Variants in GRIK5 observed in about 807,000 individuals in gnomAD.
GRIK5 encodes glutamate receptor ionotropic, kainate 5.
Under a neutral mutation model 97.4 loss-of-function variants are expected in GRIK5, and 43 were observed. That is an observed-to-expected ratio of 0.44 (90% confidence interval 0.35 to 0.57). The LOEUF (loss-of-function observed/expected upper bound fraction) is 0.57. GRIK5 is among the 20% of genes least tolerant of loss of function. The probability of loss-of-function intolerance (pLI) is 0.01; values close to 1 mark genes in which losing one functional copy is unlikely to be tolerated. For missense variants in GRIK5, 1,015 were observed against 1,382.0 expected (o/e 0.73, Z 4.21); for synonymous variants, 580 against 583.5 (o/e 0.99, Z 0.09).
chr19:42,007,104 T>C (rs1258164941), intron 15 of GRIK5, among the ~76,000 whole-genome samples: 11 of 152,138 alleles, frequency 7.2e-5, no homozygotes, highest in Middle Eastern at 3.4e-3. Flanking sequence ...TTTCTTTTTT[T>C]TTTTTTTTTG....
chr19:42,022,589 T>C lies in GRIK5; in HGVS notation c.1474-235A>G. 2.0e-6 allele frequency: 2 copies of C among 984,818 alleles called. No individual in the cohort carries two copies. The highest frequency in any genetic ancestry group is 2.4e-6 in the Non-Finnish European group (2 of 829,722). 61.0% of individuals were successfully genotyped at this position (984,818 alleles called of 1,614,324 possible). On this transcript the variant is annotated intron_variant, in intron 12 of 19. Coordinates refer to ENST00000593562, the MANE Select transcript of GRIK5 (RefSeq NM_002088.5). The surrounding 1 kb of genome is among the most constrained non-coding windows in gnomAD (Gnocchi z 4.2). ...CACGTCTCCAGACACACTGACTCCG[T>C]CCCCTAGGCCTCAACTGTGTCCCAG...
intron 15 of GRIK5, among the ~76,000 whole-genome samples, chr19:42,014,875 T>C (rs2075606533): frequency 6.6e-6 from 1 of 152,200 alleles, no homozygotes; most frequent in Admixed American, 6.5e-5. Flanking sequence ...GGCAACAAAG[T>C]GAGACCCTAT....
chr19:42,062,024 T>C lies in GRIK5; in HGVS notation c.508+464A>G, dbSNP rs2076266111. Among the ~76,000 whole-genome samples, 1 of 152,232 alleles carries C rather than the reference T, an allele frequency of 6.6e-6. No individual in the cohort carries two copies. The highest frequency in any genetic ancestry group is 2.4e-5 in the African/African-American group (1 of 41,458). On this transcript the variant is annotated intron_variant, in intron 5 of 19. Coordinates refer to ENST00000593562, the MANE Select transcript of GRIK5 (RefSeq NM_002088.5). The surrounding 1 kb of genome is among the most constrained non-coding windows in gnomAD (Gnocchi z 5.3). ...CCCGTCACACTTTCTACTTAGAACC[T>C]GTTCCCTCTTTCTTCCCACACCCTT...
Position 42,022,148 on chromosome 19 carries a change from C to T in GRIK5, c.1588-92G>A, listed in dbSNP as rs994165624. On this transcript the variant is annotated intron_variant, in intron 13 of 19. Transcript: ENST00000593562. The surrounding 1 kb of genome is among the most constrained non-coding windows in gnomAD (Gnocchi z 4.2). ...ACCAGGGACCTGGGAGCCTGACCGG[C>T]CCATCTGAGGTCCTGGGGCTGTCTG... The T allele has an allele frequency of 1.4e-6, 2 of 1,394,464 alleles. No homozygotes were observed. The highest frequency in any genetic ancestry group is 2.0e-6 in the Non-Finnish European group (2 of 991,120). The allele number at this position is 1,394,464 out of a possible 1,614,324, so 86.4% of individuals were successfully genotyped here.
In GRIK5 at chr19:42,062,905, C is replaced by T. The variant is rs1296708217; in HGVS notation, c.245-50G>A. On this transcript the variant is annotated intron_variant, in intron 3 of 19. Coordinates refer to ENST00000593562, the MANE Select transcript of GRIK5 (RefSeq NM_002088.5). This position sits in a 1 kb window ranked among gnomAD's most constrained non-coding sequence, Gnocchi z 5.3. The stretch of plus-strand genomic sequence containing the variant: ...CAGAGTCAGGGACCCCCTGCCTCCT[C>T]TCCTTCCCCATCCCTCAGGGAGCCG... 1 of 1,383,318 alleles carries T rather than the reference C, an allele frequency of 7.2e-7. No individual in the cohort carries two copies. Among genetic ancestry groups the T allele is most frequent in the Non-Finnish European group, 1.0e-6 (1 of 971,956 alleles). 85.7% of individuals were successfully genotyped at this position (1,383,318 alleles called of 1,614,324 possible).
chr19:42,062,309 T>TG lies in GRIK5; in HGVS notation c.508+178dup, dbSNP rs1446241440. Reference sequence around the variant, plus strand: ...CATCTGGGGACTAAATGGATCTCTTTGGGGAGAGAAGGGGTCTGTAGAACC... The same window carrying TG: ...CATCTGGGGACTAAATGGATCTCTTTGGGGGAGAGAAGGGGTCTGTAGAACC... On this transcript the variant is annotated intron_variant, in intron 5 of 19. Coordinates refer to ENST00000593562, the MANE Select transcript of GRIK5 (RefSeq NM_002088.5). This position sits in a 1 kb window ranked among gnomAD's most constrained non-coding sequence, Gnocchi z 5.3. Among the ~76,000 whole-genome samples the TG allele has an allele frequency of 6.6e-6, 1 of 151,964 alleles. No homozygotes were observed. Among genetic ancestry groups the TG allele is most frequent in the Non-Finnish European group, 1.5e-5 (1 of 67,976 alleles).
At chr19:42,049,695 G>T (rs996405051) in intron 11 of GRIK5, among the ~76,000 whole-genome samples, 1 of 152,164 alleles carries the variant, frequency 6.6e-6, no homozygotes, top group Non-Finnish European at 1.5e-5. Flanking sequence ...TTCAGTTTTT[G>T]AAACTTCAGT....
intron 1 of GRIK5, chr19:42,068,522 T>G: frequency 2.6e-6 from 1 of 390,414 alleles, no homozygotes; most frequent in Non-Finnish European, 4.5e-6. Flanking sequence ...AGAGTGGATC[T>G]GGGGGAAAGA....
intron 12 of GRIK5, among the ~76,000 whole-genome samples, chr19:42,031,416 C>T (rs978178293): frequency 7.2e-5 from 11 of 152,164 alleles, no homozygotes; most frequent in Non-Finnish European, 1.5e-5. Flanking sequence ...TGGGTCAGTG[C>T]GCCAACGTGG....
rs772352601 is a variant in GRIK5, at chr19:42,053,669, G to T, written c.1202C>A (p.Ala401Asp). The change falls in exon 11 of 20, where the codon GCC (alanine) becomes GAC (aspartate). Residue 401 changes from alanine (A) to aspartate (D), a missense_variant. Around this residue, in one of 5 missense-constraint regions of GRIK5, gnomAD observed 477 missense variants for 701.1 expected, o/e 0.68. Coordinates refer to ENST00000593562, the MANE Select transcript of GRIK5 (RefSeq NM_002088.5). ...WYSNRTLAMN[A>D]TTLDINLSQT... ...CGACAGGTTGATGTCCAGGGTGGTG[G>T]CATTCATGGCCAGGGTGCGGTTAGA... 1 of 1,613,278 alleles carries T rather than the reference G, an allele frequency of 6.2e-7. No homozygotes were observed. Among genetic ancestry groups the T allele is most frequent in the Non-Finnish European group, 8.5e-7 (1 of 1,179,190 alleles).
At chr19:42,057,025 A>T in intron 6 of GRIK5, 47 bp from the exon 7 acceptor site, 2 of 1,415,878 alleles carry the variant, frequency 1.4e-6, no homozygotes, top group Non-Finnish European at 2.0e-6. Flanking sequence ...ACAGAGACCC[A>T]CAGGCAGAGA....
Position 42,006,539 on chromosome 19 carries a change from T to G in GRIK5, c.2037+106A>C. The G allele has an allele frequency of 1.0e-6, 1 of 965,738 alleles. No individual in the cohort carries two copies. Among genetic ancestry groups the G allele is most frequent in the East Asian group, 2.6e-5 (1 of 39,076 alleles). 59.8% of individuals were successfully genotyped at this position (965,738 alleles called of 1,614,324 possible). A position where few individuals can be genotyped will look rare whatever the true frequency, so the allele number is the denominator to read the frequency against. On this transcript the variant is annotated intron_variant, in intron 16 of 19. Transcript: ENST00000593562. The surrounding 1 kb of genome is among the most constrained non-coding windows in gnomAD (Gnocchi z 5.3). ...TGCTCCCCAGCCTCCAGGCTGTCAC[T>G]GACAATCAGTCCCTCTGACCCAGGA...
At chr19:42,023,859 C>T (rs2146056635) in intron 12 of GRIK5, among the ~76,000 whole-genome samples, 1 of 152,322 alleles carries the variant, frequency 6.6e-6, no homozygotes, top group Middle Eastern at 3.4e-3. Context: ...CCAGTCCATT[C>T]CTCACATATA....
chr19:42,043,970 C>A (rs2076011564), intron 11 of GRIK5, among the ~76,000 whole-genome samples: 1 of 152,180 alleles, frequency 6.6e-6, no homozygotes, highest in African/African-American at 2.4e-5. Context: ...CCACCCAAAT[C>A]TCACCTTGAA....
Position 41,999,089 on chromosome 19 carries a change from G to A in GRIK5, c.2725C>T (p.Leu909Phe). 1.5e-6 allele frequency: 2 copies of A among 1,334,032 alleles called. No individual in the cohort carries two copies. The highest frequency in any genetic ancestry group is 1.9e-6 in the Non-Finnish European group (2 of 1,048,388). The allele number at this position is 1,334,032 out of a possible 1,614,324, so 82.6% of individuals were successfully genotyped here. Residue 909 changes from leucine (L) to phenylalanine (F), a missense_variant, in exon 20 of 20, where the codon CTC becomes TTC. Leu to Phe is a conservative substitution (Grantham distance 22, BLOSUM62 0). Transcript: ENST00000593562. The surrounding 1 kb of genome is among the most constrained non-coding windows in gnomAD (Gnocchi z 5.0). ...AGSAHGGPQR[L>F]LDDPGPPSGA... is the part of the protein sequence containing the mutation. ...CTGGGGGGCCCCGGGTCGTCCAGGA[G>A]GCGCTGCGGGCCCCCGTGCGCGCTG... is the stretch of plus-strand genomic sequence containing the variant.
At chr19:42,030,025 G>A (rs966548929) in intron 12 of GRIK5, among the ~76,000 whole-genome samples, 2 of 152,092 alleles carry the variant, frequency 1.3e-5, no homozygotes, top group African/African-American at 2.4e-5. Context: ...GCTTTCTGCC[G>A]TTGCTACTGC....
At position 42,053,875 on chromosome 19, in the gene GRIK5, T is replaced by C; in HGVS notation, c.1111A>G (p.Thr371Ala). Reference sequence around the variant, plus strand: ...TCTAGGATGCGCAGGGTGTAGTTGGTTCTCTGCCCTTTGCTGTTGAACTCG... The same window carrying C: ...TCTAGGATGCGCAGGGTGTAGTTGGCTCTCTGCCCTTTGCTGTTGAACTCG... ...RVEFNSKGQR[T>A]NYTLRILEKS... Residue 371 changes from threonine (T) to alanine (A), a missense_variant, in exon 10 of 20, where the codon ACC becomes GCC. Coordinates refer to ENST00000593562, the MANE Select transcript of GRIK5 (RefSeq NM_002088.5). 6 of 1,613,960 alleles carry C rather than the reference T, an allele frequency of 3.7e-6. No homozygotes were observed. The highest frequency in any genetic ancestry group is 4.2e-6 in the Non-Finnish European group (5 of 1,179,930).
At chr19:42,043,852 G>A (rs2067212882) in intron 11 of GRIK5, among the ~76,000 whole-genome samples, 1 of 152,182 alleles carries the variant, frequency 6.6e-6, no homozygotes. Context: ...TGAGGCTGCA[G>A]TGAGCTATGA....
At chr19:42,005,571 G>A (rs782087426) in intron 17 of GRIK5, 152 bp downstream of exon 17, 57 of 628,094 alleles carry the variant, frequency 9.1e-5, no homozygotes, top group Admixed American at 1.5e-4. Context: ...GGCTCAGGAC[G>A]GTGATGTCGC....
Sources: gnomAD v4.1 joint callset for allele counts (sites outside exome capture counted in the v4.1 genomes callset) on GRCh38, gnomAD v4.1.1 for gene constraint, gnomAD v4.1.1 regional missense constraint, Gnocchi (gnomAD v3.1) non-coding constraint, MANE v1.5 for transcripts, NCBI Gene and HGNC (gene_info 2026-07-23, HGNC 2026-07-21) for gene names.